Variants in PHF14 observed in about 807,000 individuals in gnomAD.
The protein encoded by PHF14 is PHD finger protein 14.
Under a neutral mutation model 117.9 loss-of-function variants are expected in PHF14, and 55 were observed. The observed-to-expected ratio is 0.47, with a 90% CI of 0.38 to 0.58. PHF14 has a LOEUF of 0.58. Among genes scored for constraint, PHF14 ranks in the 20% least tolerant of loss-of-function variants. PHF14 has a pLI of 0.00. For missense variants in PHF14, 978 were observed against 1,122.2 expected, an observed-to-expected ratio of 0.87 and a Z score of 1.84; for synonymous variants, 409 against 368.6, an observed-to-expected ratio of 1.11 and a Z score of -1.26.
At chr7:11,068,731 A>G (rs1229372686) in intron 16 of PHF14, among the ~76,000 whole-genome samples, 1 of 152,218 alleles carries the variant, frequency 6.6e-6, no homozygotes, top group Non-Finnish European at 1.5e-5. Context: ...CTGAAGAACA[A>G]AAGTCTACAG....
intron 17 of PHF14, among the ~76,000 whole-genome samples, chr7:11,134,816 A>G (rs1422220256): frequency 6.6e-6 from 1 of 152,164 alleles, no homozygotes; most frequent in African/African-American, 2.4e-5. Context: ...GCAAAAAAAC[A>G]TGAGTAAACT....
intron 16 of PHF14, among the ~76,000 whole-genome samples, chr7:11,084,873 T>G (rs1167657895): frequency 6.6e-6 from 1 of 152,168 alleles, no homozygotes; most frequent in East Asian, 1.9e-4. Context: ...TTTTCATATC[T>G]GTGAATTGCC....
At chr7:11,053,852 C>A (rs371086514) in intron 14 of PHF14, among the ~76,000 whole-genome samples, 9 of 151,952 alleles carry the variant, frequency 5.9e-5, no homozygotes, top group East Asian at 3.9e-4. Flanking sequence ...CTAATATAAT[C>A]CCATTCCTTT....
intron 3 of PHF14, among the ~76,000 whole-genome samples, chr7:10,986,216 A>T (rs1782223173): frequency 1.3e-5 from 2 of 148,676 alleles, no homozygotes; most frequent in South Asian, 4.2e-4. Context: ...ATTCTTGACC[A>T]CAAGCAGTCC....
In PHF14 at chr7:11,154,979, G is replaced by T. The variant is rs75519634; in HGVS notation, c.2773-14437G>T. 6.1e-3 allele frequency among the ~76,000 whole-genome samples: 931 copies of T among 151,932 alleles called. 10 individuals carry two copies. Among genetic ancestry groups the T allele is most frequent in the African/African-American group, 0.021 (867 of 41,406 alleles). ...ATGGTTATTTAGCTAGAAAAAAAAA[G>T]CACTGTTTTTGAAGAGGATCCTTAC... is the stretch of plus-strand genomic sequence containing the variant. On this transcript the variant is annotated intron_variant, in intron 17 of 17. Coordinates refer to ENST00000634607, the MANE Select transcript of PHF14 (RefSeq NM_001007157.2).
intron 13 of PHF14, among the ~76,000 whole-genome samples, chr7:11,051,003 A>G (rs1784835484): frequency 6.6e-6 from 1 of 151,880 alleles, no homozygotes; most frequent in South Asian, 2.1e-4. Context: ...GTATCACAGT[A>G]TATGTCATTT....
chr7:11,003,985 C>T (rs1042008442), intron 4 of PHF14, among the ~76,000 whole-genome samples: 1 of 151,940 alleles, frequency 6.6e-6, no homozygotes. Flanking sequence ...TGGTGGCTCA[C>T]GCTTGTAATC....
chr7:11,031,825 T>C lies in PHF14; in HGVS notation c.1455+3007T>C, dbSNP rs145321569. Among the ~76,000 whole-genome samples the C allele has an allele frequency of 2.0e-3, 311 of 152,306 alleles. 2 individuals carry two copies. The highest frequency in any genetic ancestry group is 7.1e-3 in the African/African-American group (297 of 41,570). ...GCTCAGTTATGCTGACTACAACTTA[T>C]GTTACTATGTTTTACATTATATAGT... On this transcript the variant is annotated intron_variant, in intron 7 of 17. Transcript: ENST00000634607.
At chr7:11,155,196 A>G (rs1435802408) in intron 17 of PHF14, among the ~76,000 whole-genome samples, 1 of 152,186 alleles carries the variant, frequency 6.6e-6, no homozygotes, top group African/African-American at 2.4e-5. Flanking sequence ...CTGCCATTTT[A>G]TAGATGAGAA....
chr7:11,135,330 A>T (rs1456345722), intron 17 of PHF14, among the ~76,000 whole-genome samples: 1 of 152,036 alleles, frequency 6.6e-6, no homozygotes, highest in Non-Finnish European at 1.5e-5. Flanking sequence ...CCAATACCTA[A>T]TTCATTCTTC....
At chr7:11,068,007 A>G (rs186954155) in intron 16 of PHF14, among the ~76,000 whole-genome samples, 1 of 152,308 alleles carries the variant, frequency 6.6e-6, no homozygotes, top group East Asian at 1.9e-4. Context: ...GGTGACAGGT[A>G]TCCAAACCAT....
intron 17 of PHF14, among the ~76,000 whole-genome samples, chr7:11,152,812 A>G (rs1253249702): frequency 6.6e-6 from 1 of 152,128 alleles, no homozygotes; most frequent in Non-Finnish European, 1.5e-5. Context: ...AAGTCAAAGA[A>G]CTCACTCACT....
intron 4 of PHF14, among the ~76,000 whole-genome samples, chr7:11,001,037 T>C (rs1350319435): frequency 6.6e-6 from 1 of 152,088 alleles, no homozygotes; most frequent in African/African-American, 2.4e-5. Flanking sequence ...TTTATAAATT[T>C]GCATTTCACA....
In PHF14 at chr7:10,990,780, G is replaced by C; in HGVS notation, c.978G>C (p.Leu326=). 6.3e-7 allele frequency: 1 copy of C among 1,584,786 alleles called. No individual in the cohort carries two copies. Residue 326 remains leucine, a synonymous_variant, in exon 4 of 18, where the codon CTG becomes CTC. Coordinates refer to ENST00000634607, the MANE Select transcript of PHF14 (RefSeq NM_001007157.2). ...ATATTCTGATTTGCTGTGTTTGTCT[G>C]GGAGATAATAGTGAGGACGCTGATG... The part of the protein sequence containing the change: ...MDHILICCVC[L]GDNSEDADEI...
At chr7:11,034,041 C>T (rs909163561) in intron 7 of PHF14, among the ~76,000 whole-genome samples, 1 of 152,032 alleles carries the variant, frequency 6.6e-6, no homozygotes, top group Non-Finnish European at 1.5e-5. Flanking sequence ...GATTTGTATC[C>T]GGGTTTTTAT....
At chr7:11,125,162 G>A (rs888300741) in intron 17 of PHF14, among the ~76,000 whole-genome samples, 35 of 152,132 alleles carry the variant, frequency 2.3e-4, no homozygotes, top group Non-Finnish European at 4.1e-4. Flanking sequence ...AAAGGAAAGG[G>A]ATCTAAAGGT....
chr7:11,095,790 C>G (rs963080109), intron 16 of PHF14, among the ~76,000 whole-genome samples: 2 of 152,114 alleles, frequency 1.3e-5, no homozygotes, highest in African/African-American at 4.8e-5. Flanking sequence ...TATCAAGCAT[C>G]ATCACGGACA....
chr7:10,988,304 T>G (rs1782305214), intron 3 of PHF14, among the ~76,000 whole-genome samples: 1 of 152,124 alleles, frequency 6.6e-6, no homozygotes, highest in Non-Finnish European at 1.5e-5. Context: ...ATTTAGGCAT[T>G]TATGGTTTTT....
At position 11,111,481 on chromosome 7, in the gene PHF14, T is replaced by A. The variant is rs1199844461; in HGVS notation, c.2772+14T>A. On this transcript the variant is annotated intron_variant, in intron 17 of 17. Coordinates refer to ENST00000634607, the MANE Select transcript of PHF14 (RefSeq NM_001007157.2). ...TCATCTTCCAAGGTAAGGGGAGAAG[T>A]CTATAAGAAAAGGTATTGGTGTCCT... 7.5e-7 allele frequency: 1 copy of A among 1,333,384 alleles called. No homozygotes were observed. Among genetic ancestry groups the A allele is most frequent in the Admixed American group, 1.8e-5 (1 of 55,478 alleles). 82.6% of individuals were successfully genotyped at this position (1,333,384 alleles called of 1,614,324 possible).
Sources: allele counts gnomAD v4.1 joint callset (sites outside exome capture counted in the v4.1 genomes callset), GRCh38; gene constraint gnomAD v4.1.1; transcripts MANE v1.5; gene names NCBI Gene and HGNC (gene_info 2026-07-23, HGNC 2026-07-21).